ACOT1: variants seen among roughly 807,000 people sequenced by gnomAD.
The protein encoded by ACOT1 is acyl-CoA thioesterase 1.
A neutral mutation model predicts 15.7 loss-of-function variants in ACOT1; 8 were observed. The observed-to-expected ratio is 0.51, with a 90% CI of 0.30 to 0.92. The LOEUF (loss-of-function observed/expected upper bound fraction) is 0.92. ACOT1 is among the 40% of genes least tolerant of loss of function. The probability of loss-of-function intolerance (pLI) is 0.06; values close to 1 mark genes in which losing one functional copy is unlikely to be tolerated. For missense variants in ACOT1, 151 were observed against 539.4 expected (o/e 0.28, Z 7.13); for synonymous variants, 67 against 241.2 (o/e 0.28, Z 6.69).
chr14:73,504,521 T>C, the ACOT1 span, among the ~76,000 whole-genome samples: 7 of 152,154 alleles, frequency 4.6e-5, no homozygotes, highest in South Asian at 4.2e-4. Context: ...GGATTACAGG[T>C]GCGAGCCACT....
chr14:73,514,572 C>T, the ACOT1 span, among the ~76,000 whole-genome samples: 1 of 152,054 alleles, frequency 6.6e-6, no homozygotes, highest in Admixed American at 6.6e-5. Context: ...ACGAGATTTG[C>T]TCATAATATT....
At chr14:73,521,084 G>T in the ACOT1 span, 1 of 1,525,454 alleles carries the variant, frequency 6.6e-7, no homozygotes, top group Non-Finnish European at 9.0e-7. Context: ...AAGAGTAGGA[G>T]GTGGATCCCC....
chr14:73,542,836 A>C (rs1341990891), intron 2 of ACOT1, among the ~76,000 whole-genome samples: 2 of 112,516 alleles, frequency 1.8e-5, no homozygotes, highest in African/African-American at 3.0e-5. Context: ...AGTAATTGAT[A>C]GATCTTCCAC....
At chr14:73,522,174 A>T in the ACOT1 span, 3 of 1,244,798 alleles carry the variant, frequency 2.4e-6, no homozygotes, top group Non-Finnish European at 3.4e-6. Flanking sequence ...AGTTGATGGG[A>T]GAGTGCATTC....
the ACOT1 span, chr14:73,509,324 C>CAGT: frequency 6.2e-6 from 10 of 1,614,062 alleles, no homozygotes; most frequent in Non-Finnish European, 8.5e-6. Flanking sequence ...TTCAGAAGGG[C>CAGT]AGTCTGCATG....
At chr14:73,533,444 C>T (rs796316647), upstream of ACOT1, among the ~76,000 whole-genome samples, 6 of 112,980 alleles carry the variant, frequency 5.3e-5, 1 homozygote, top group African/African-American at 1.4e-4. Flanking sequence ...TTTGGGAGGC[C>T]GAGGAGGGTA....
chr14:73,506,700 G>T, the ACOT1 span: 1 of 572,060 alleles, frequency 1.7e-6, no homozygotes. Context: ...GATGGGGCAT[G>T]TTTCCATCAC....
At chr14:73,527,786 C>G in the ACOT1 span, among the ~76,000 whole-genome samples, 1 of 150,800 alleles carries the variant, frequency 6.6e-6, no homozygotes, top group Non-Finnish European at 1.5e-5. Flanking sequence ...GAGACCAGCC[C>G]GGCCAACATG....
the ACOT1 span, chr14:73,490,941 C>A: frequency 7.8e-7 from 1 of 1,279,174 alleles, no homozygotes; most frequent in South Asian, 2.7e-5. Flanking sequence ...CCAGAGTGCA[C>A]CGCAGCCGCT....
At chr14:73,525,052 G>T in the ACOT1 span, among the ~76,000 whole-genome samples, 1 of 152,098 alleles carries the variant, frequency 6.6e-6, no homozygotes, top group Middle Eastern at 3.4e-3. Context: ...TTTGAGACAG[G>T]GTCTTGTTCT....
chr14:73,513,357 G>A, the ACOT1 span, among the ~76,000 whole-genome samples: 1 of 152,118 alleles, frequency 6.6e-6, no homozygotes, highest in Non-Finnish European at 1.5e-5. Flanking sequence ...TACTTGGGAG[G>A]CTGAGGCAGG....
At chr14:73,499,297 A>C in the ACOT1 span, among the ~76,000 whole-genome samples, 1 of 152,160 alleles carries the variant, frequency 6.6e-6, no homozygotes, top group Non-Finnish European at 1.5e-5. Flanking sequence ...CCTGGCCAAC[A>C]TGGTGAAACC....
chr14:73,492,447 T>C, the ACOT1 span: 3 of 1,613,770 alleles, frequency 1.9e-6, no homozygotes, highest in Non-Finnish European at 2.5e-6. The surrounding 1 kb of genome is among the most constrained non-coding windows in gnomAD (Gnocchi z 4.9). Flanking sequence ...AGAACCGCTT[T>C]CATGGAGAAG....
chr14:73,499,105 A>G, the ACOT1 span: 2 of 1,614,186 alleles, frequency 1.2e-6, no homozygotes, highest in Non-Finnish European at 1.7e-6. Context: ...TCCAGTAAGG[A>G]TCTCTCTGCA....
At chr14:73,493,621 T>A in the ACOT1 span, among the ~76,000 whole-genome samples, 2 of 152,228 alleles carry the variant, frequency 1.3e-5, no homozygotes, top group African/African-American at 2.4e-5. Flanking sequence ...GTGGATCACC[T>A]GAGGTCAGCA....
At chr14:73,497,854 G>T in the ACOT1 span, among the ~76,000 whole-genome samples, 1 of 151,930 alleles carries the variant, frequency 6.6e-6, no homozygotes, top group Non-Finnish European at 1.5e-5. Context: ...TCAAACTCCC[G>T]ACCTCAGGTG....
At chr14:73,492,739 C>A in the ACOT1 span, 1 of 1,613,902 alleles carries the variant, frequency 6.2e-7, no homozygotes, top group Middle Eastern at 1.6e-4. This position sits in a 1 kb window ranked among gnomAD's most constrained non-coding sequence, Gnocchi z 4.9. Flanking sequence ...TGGAAAACTC[C>A]CGTGTGTATC....
chr14:73,505,831 T>C, the ACOT1 span, among the ~76,000 whole-genome samples: 91,915 of 150,730 alleles, frequency 0.61, 30,033 homozygotes, highest in African/African-American at 0.85. Flanking sequence ...GGGGGAAATA[T>C]GTCATTGACT....
chr14:73,525,184 AC>A, the ACOT1 span, among the ~76,000 whole-genome samples: 2 of 152,034 alleles, frequency 1.3e-5, no homozygotes, highest in Non-Finnish European at 2.9e-5. Flanking sequence ...TGCATGCGCC[AC>A]CACACCCAGC....
Sources: allele counts gnomAD v4.1 joint callset (sites outside exome capture counted in the v4.1 genomes callset), GRCh38; gene constraint gnomAD v4.1.1; non-coding constraint Gnocchi (gnomAD v3.1); transcripts MANE v1.5; gene names NCBI Gene and HGNC (gene_info 2026-07-23, HGNC 2026-07-21).